The following ZNF383 variants were observed in gnomAD, a reference collection of about 807,000 sequenced individuals.
The protein encoded by ZNF383 is zinc finger protein 383.
In ZNF383, 32 loss-of-function variants were observed where a neutral mutation model predicts 44.2. That is an observed-to-expected ratio of 0.72 (90% CI 0.55 to 0.97). The LOEUF (loss-of-function observed/expected upper bound fraction) is 0.97. ZNF383 is among the 50% of genes least tolerant of loss of function. ZNF383 has a pLI of 0.00. For missense variants in ZNF383, 487 were observed against 562.5 expected (o/e 0.87, Z 1.36); for synonymous variants, 155 against 186.2 (o/e 0.83, Z 1.36).
At position 37,248,088 on chromosome 19, in the gene ZNF383, A is replaced by G. The variant is rs1235618306; in HGVS notation, c.*4424A>G. ...GAGGCAGAGATTGCGGTGAGCGGGG[A>G]TCATGCCATTGCACTCCAGCCTGGG... On this transcript the variant is annotated 3_prime_UTR_variant, in exon 6 of 6. Transcript: ENST00000684119. 1 of 152,236 alleles carries G rather than the reference A, an allele frequency of 6.6e-6. No individual in the cohort carries two copies. The highest frequency in any genetic ancestry group is 1.5e-5 in the Non-Finnish European group (1 of 68,052). 9.4% of individuals were successfully genotyped at this position (152,236 alleles called of 1,614,324 possible). A position where few individuals can be genotyped will look rare whatever the true frequency, so the allele number is the denominator to read the frequency against.
chr19:37,229,422 C>A (rs1185071727), intron 2 of ZNF383, among the ~76,000 whole-genome samples: 2 of 147,880 alleles, frequency 1.4e-5, no homozygotes, highest in Non-Finnish European at 3.0e-5. Flanking sequence ...GCCTCCCAAA[C>A]TGCTGAGATT....
At chr19:37,240,754 A>G (rs1255284131) in intron 5 of ZNF383, among the ~76,000 whole-genome samples, 5 of 152,196 alleles carry the variant, frequency 3.3e-5, no homozygotes, top group South Asian at 4.1e-4. Context: ...AGTTCAATAC[A>G]TTAGACTTAC....
chr19:37,229,786 G>GTATATA (rs386365554), intron 2 of ZNF383, among the ~76,000 whole-genome samples: 1 of 91,168 alleles, frequency 1.1e-5, no homozygotes, highest in African/African-American at 4.1e-5. Context: ...ATATGTGTGT[G>GTATATA]TATATATATA....
chr19:37,230,447 A>G lies in ZNF383; in HGVS notation c.-7A>G, dbSNP rs547862557. 1.7e-5 allele frequency: 27 copies of G among 1,613,562 alleles called. 1 individual carries two copies. The African/African-American group carries it at 2.4e-4, about 14-fold the overall frequency. ...AGGAAGACTAACCATCTGCAATACTAGAAGCCATGGCTGAGGTGAGTTGAT... is the reference window on the plus strand; with the variant it reads ...AGGAAGACTAACCATCTGCAATACTGGAAGCCATGGCTGAGGTGAGTTGAT... On this transcript the variant is annotated 5_prime_UTR_variant, in exon 3 of 6. Transcript: ENST00000684119.
intron 3 of ZNF383, among the ~76,000 whole-genome samples, chr19:37,231,332 T>TG (rs1973477487): frequency 6.6e-6 from 1 of 152,098 alleles, no homozygotes; most frequent in African/African-American, 2.4e-5. Context: ...GAGACTGGGC[T>TG]GGCCAACATG....
At chr19:37,231,565 G>A (rs965005711) in intron 3 of ZNF383, among the ~76,000 whole-genome samples, 4 of 151,998 alleles carry the variant, frequency 2.6e-5, no homozygotes, top group South Asian at 2.1e-4. Flanking sequence ...TATCTTTTTC[G>A]TAGCTTTGAT....
chr19:37,236,112 A>G, intron 5 of ZNF383, 38 bp downstream of exon 5: 1 of 1,540,746 alleles, frequency 6.5e-7, no homozygotes, highest in Non-Finnish European at 8.9e-7. Flanking sequence ...AAGTCACGAT[A>G]GGTCAGAACT....
intron 3 of ZNF383, among the ~76,000 whole-genome samples, chr19:37,231,004 G>A (rs1320169857): frequency 1.3e-5 from 2 of 152,196 alleles, no homozygotes; most frequent in African/African-American, 4.8e-5. Flanking sequence ...ATCCTGGAGA[G>A]AAGTCCAATT....
At chr19:37,233,909 G>C (rs1973634711) in intron 3 of ZNF383, among the ~76,000 whole-genome samples, 4 of 151,256 alleles carry the variant, frequency 2.6e-5, no homozygotes, top group Non-Finnish European at 5.9e-5. Context: ...TTATCGCCCA[G>C]GCTGGAGTGC....
rs1320994139 is a variant in ZNF383 at position 37,247,599 on chromosome 19, A to C, written c.*3935A>C. ...CAGCACTTTGGGAGGCTGAGGTAGG[A>C]GAATGGCTTGAGGCCAGGAGTTCAA... On this transcript the variant is annotated 3_prime_UTR_variant, in exon 6 of 6. Coordinates refer to ENST00000684119, the MANE Select transcript of ZNF383 (RefSeq NM_001387601.1). 2 of 152,010 alleles carry C rather than the reference A, an allele frequency of 1.3e-5. No homozygotes were observed. The highest frequency in any genetic ancestry group is 4.8e-5 in the African/African-American group (2 of 41,380). 9.4% of individuals were successfully genotyped at this position (152,010 alleles called of 1,614,324 possible). A position where few individuals can be genotyped will look rare whatever the true frequency, so the allele number is the denominator to read the frequency against.
Position 37,246,767 on chromosome 19 carries a change from G to C in ZNF383, c.*3103G>C, listed in dbSNP as rs1974387646. On this transcript the variant is annotated 3_prime_UTR_variant, in exon 6 of 6. Coordinates refer to ENST00000684119, the MANE Select transcript of ZNF383 (RefSeq NM_001387601.1). ...TTGCACCACTGCACACTCCAGACTG[G>C]GTGACAGAGCGAGACTCTGTCTTAC... The C allele has an allele frequency of 6.6e-6, 1 of 152,064 alleles. No homozygotes were observed. 9.4% of individuals were successfully genotyped at this position (152,064 alleles called of 1,614,324 possible).
chr19:37,247,743 T>C lies in ZNF383; in HGVS notation c.*4079T>C, dbSNP rs760536673. The C allele has an allele frequency of 1.2e-4, 18 of 151,890 alleles. No individual in the cohort carries two copies. Among genetic ancestry groups the C allele is most frequent in the Non-Finnish European group, 1.9e-4 (13 of 67,980 alleles). 9.4% of individuals were successfully genotyped at this position (151,890 alleles called of 1,614,324 possible). A position where few individuals can be genotyped will look rare whatever the true frequency, so the allele number is the denominator to read the frequency against. ...GACATTTTTATAATATATCTGAAAATCTGGAAAAAGTCTGTGATTTTTAAT... is the reference window on the plus strand; with the variant it reads ...GACATTTTTATAATATATCTGAAAACCTGGAAAAAGTCTGTGATTTTTAAT... On this transcript the variant is annotated 3_prime_UTR_variant, in exon 6 of 6. Transcript: ENST00000684119.
chr19:37,235,628 T>C lies in ZNF383; in HGVS notation c.89T>C (p.Leu30Ser). Residue 30 changes from leucine to serine, a missense_variant, in exon 4 of 6, where the codon TTA (leucine) becomes TCA (serine). By Grantham distance (145) the Leu-to-Ser change is moderately radical. Transcript: ENST00000684119. Reference sequence around the variant, plus strand: ...TGCCTGGACCCTGTTCAGAGGGACTTATACAGAGATGTGATGTTGGAGAAC... The same window carrying C: ...TGCCTGGACCCTGTTCAGAGGGACTCATACAGAGATGTGATGTTGGAGAAC... ...WDCLDPVQRD[L>S]YRDVMLENYG... The C allele has an allele frequency of 6.2e-7, 1 of 1,613,722 alleles. No homozygotes were observed. The highest frequency in any genetic ancestry group is 1.1e-5 in the South Asian group (1 of 90,970).
intron 5 of ZNF383, among the ~76,000 whole-genome samples, chr19:37,239,077 G>A (rs1480447091): frequency 6.6e-6 from 1 of 152,062 alleles, no homozygotes; most frequent in Non-Finnish European, 1.5e-5. Flanking sequence ...CTGCCACTGC[G>A]CCCGGCTCAT....
chr19:37,234,315 T>G (rs536370598), intron 3 of ZNF383, among the ~76,000 whole-genome samples: 15 of 152,374 alleles, frequency 9.8e-5, no homozygotes, highest in Admixed American at 9.1e-4. Context: ...ATATTTCTAG[T>G]ATCTTCATTT....
intron 3 of ZNF383, among the ~76,000 whole-genome samples, chr19:37,232,804 G>A (rs1178772220): frequency 6.6e-6 from 1 of 152,166 alleles, no homozygotes; most frequent in African/African-American, 2.4e-5. Context: ...GTCCAAAAGT[G>A]ACCAATAATG....
chr19:37,222,525 C>T (rs1431182099), intron 1 of ZNF383, among the ~76,000 whole-genome samples: 8 of 152,044 alleles, frequency 5.3e-5, no homozygotes, highest in Non-Finnish European at 7.4e-5. Flanking sequence ...TACAGGCGCA[C>T]GCCACCACAC....
intron 5 of ZNF383, among the ~76,000 whole-genome samples, chr19:37,240,614 A>G (rs1183743737): frequency 6.6e-6 from 1 of 152,194 alleles, no homozygotes; most frequent in African/African-American, 2.4e-5. Flanking sequence ...GTGGTGGTAC[A>G]TAAGCAAGTC....
chr19:37,229,614 A>G lies in ZNF383; in HGVS notation c.-45-795A>G, dbSNP rs189918075. ...GCTGGGATTACAAGCATATATATATATGTGTGTGTGTGTGTGTGTATATAT... is the reference window on the plus strand; with the variant it reads ...GCTGGGATTACAAGCATATATATATGTGTGTGTGTGTGTGTGTGTATATAT... On this transcript the variant is annotated intron_variant, in intron 2 of 5. Transcript: ENST00000684119. Among the ~76,000 whole-genome samples, 130 of 128,822 alleles carry G rather than the reference A, an allele frequency of 1.0e-3. 1 individual carries two copies. Among genetic ancestry groups the G allele is most frequent in the South Asian group, 9.9e-4 (4 of 4,056 alleles). The allele number at this position is 128,822 out of a possible 152,430, so 84.5% of individuals were successfully genotyped here.
Sources: gnomAD v4.1 joint callset for allele counts (sites outside exome capture counted in the v4.1 genomes callset) on GRCh38, gnomAD v4.1.1 for gene constraint, MANE v1.5 for transcripts, NCBI Gene and HGNC (gene_info 2026-07-23, HGNC 2026-07-21) for gene names.